RAD51B: variants seen among roughly 807,000 people sequenced by gnomAD.
RAD51B encodes RAD51 paralog B, also known as DNA repair protein RAD51 homolog 2.
A neutral mutation model predicts 42.2 loss-of-function variants in RAD51B; 38 were observed. The observed-to-expected ratio is 0.90, with a 90% CI of 0.70 to 1.18. The LOEUF is 1.18. Ranked by LOEUF, RAD51B falls within the 50% of genes most tolerant of loss-of-function variation. The pLI is 0.00. For synonymous variants in RAD51B, 154 were observed against 145.2 expected, an observed-to-expected ratio of 1.06 and a Z score of -0.43; for missense variants, 373 against 400.7, an observed-to-expected ratio of 0.93 and a Z score of 0.59.
intron 7 of RAD51B, among the ~76,000 whole-genome samples, chr14:68,125,752 TTGTTTTG>T (rs1316767879): frequency 2.1e-5 from 3 of 146,268 alleles, no homozygotes; most frequent in Admixed American, 6.6e-5. Context: ...TTGTTTTGTT[TTGTTTTG>T]TTTTTTCAAA....
chr14:68,257,932 T>C (rs1232368853), intron 7 of RAD51B, among the ~76,000 whole-genome samples: 1 of 152,194 alleles, frequency 6.6e-6, no homozygotes, highest in Non-Finnish European at 1.5e-5. Flanking sequence ...AGAAAGTAAG[T>C]CAAACTAGAG....
intron 1 of RAD51B, chr14:67,822,128 A>T (rs531121959): frequency 6.6e-6 from 1 of 152,176 alleles, no homozygotes; most frequent in Non-Finnish European, 1.5e-5. Flanking sequence ...TCATTCCAAA[A>T]TGTTACTTCT....
chr14:68,128,472 C>A (rs1259804295), intron 7 of RAD51B, among the ~76,000 whole-genome samples: 1 of 152,190 alleles, frequency 6.6e-6, no homozygotes, highest in Non-Finnish European at 1.5e-5. Flanking sequence ...GGATGGATCA[C>A]TTGAGGTCAG....
intron 9 of RAD51B, among the ~76,000 whole-genome samples, chr14:68,417,024 G>A (rs766849163): frequency 6.6e-6 from 1 of 152,082 alleles, no homozygotes; most frequent in Non-Finnish European, 1.5e-5. Flanking sequence ...GTAGATGTGG[G>A]GCAGCATGTC....
chr14:68,374,121 C>T (rs899325712), intron 8 of RAD51B, among the ~76,000 whole-genome samples: 4 of 152,208 alleles, frequency 2.6e-5, no homozygotes, highest in Non-Finnish European at 5.9e-5. Context: ...CAATATCACA[C>T]AACTCCCATA....
chr14:67,934,945 C>T (rs566550511), intron 7 of RAD51B, among the ~76,000 whole-genome samples: 4 of 152,324 alleles, frequency 2.6e-5, no homozygotes, highest in Non-Finnish European at 5.9e-5. Context: ...GCTTTCCTGA[C>T]AGCACCATAC....
At chr14:68,632,870 G>A (rs150440421) in intron 10 of RAD51B, among the ~76,000 whole-genome samples, 1,618 of 151,694 alleles carry the variant, frequency 0.011, 22 homozygotes, top group African/African-American at 0.036. Context: ...TGACCACCCA[G>A]GCTCAAGTGA....
intron 10 of RAD51B, among the ~76,000 whole-genome samples, chr14:68,504,461 A>T (rs1885140995): frequency 6.6e-6 from 1 of 152,094 alleles, no homozygotes; most frequent in Non-Finnish European, 1.5e-5. Flanking sequence ...GAGCTGGACC[A>T]CTCACTTTAG....
intron 8 of RAD51B, among the ~76,000 whole-genome samples, chr14:68,329,847 C>T (rs2082315113): frequency 6.6e-6 from 1 of 151,664 alleles, no homozygotes; most frequent in Admixed American, 6.6e-5. Flanking sequence ...CTGGGCATGG[C>T]GCTGCACACC....
chr14:67,827,103 A>T (rs1370731496), intron 3 of RAD51B, among the ~76,000 whole-genome samples: 5 of 152,226 alleles, frequency 3.3e-5, no homozygotes, highest in East Asian at 3.8e-4. Context: ...TAGCTTTATC[A>T]TTGATTTCAT....
chr14:68,539,066 T>C (rs1176330861), intron 10 of RAD51B, among the ~76,000 whole-genome samples: 5 of 152,254 alleles, frequency 3.3e-5, no homozygotes, highest in Non-Finnish European at 5.9e-5. Flanking sequence ...CATTTTAGTA[T>C]GGATAAATGC....
chr14:68,408,982 G>T (rs1160394915), intron 8 of RAD51B, among the ~76,000 whole-genome samples: 1 of 152,104 alleles, frequency 6.6e-6, no homozygotes, highest in Non-Finnish European at 1.5e-5. Flanking sequence ...AAAAAAATAG[G>T]TTAATGGTTG....
chr14:68,136,332 T>A (rs1253146269), intron 7 of RAD51B, among the ~76,000 whole-genome samples: 1 of 136,156 alleles, frequency 7.3e-6, no homozygotes, highest in African/African-American at 2.5e-5. Context: ...TCCCAGCACT[T>A]TGGGAGGCCA....
chr14:68,133,959 G>C (rs1043796716), intron 7 of RAD51B, among the ~76,000 whole-genome samples: 1 of 152,008 alleles, frequency 6.6e-6, no homozygotes, highest in Non-Finnish European at 1.5e-5. Flanking sequence ...AACCAATATG[G>C]GTACAACCCA....
intron 10 of RAD51B, among the ~76,000 whole-genome samples, chr14:68,488,943 C>T (rs1435995424): frequency 3.9e-5 from 6 of 151,994 alleles, no homozygotes; most frequent in Non-Finnish European, 8.8e-5. Flanking sequence ...AATTTTTTCA[C>T]TATTTTTATT....
intron 5 of RAD51B, among the ~76,000 whole-genome samples, chr14:67,871,468 C>G (rs903464786): frequency 6.6e-6 from 1 of 152,102 alleles, no homozygotes; most frequent in African/African-American, 2.4e-5. Flanking sequence ...CAAAAAGAGT[C>G]CAGGACTAAA....
At chr14:67,907,615 C>CA (rs1304783190) in intron 7 of RAD51B, among the ~76,000 whole-genome samples, 1 of 151,966 alleles carries the variant, frequency 6.6e-6, no homozygotes, top group African/African-American at 2.4e-5. Context: ...TTAATATTAT[C>CA]ACTGGGTTTT....
chr14:68,170,204 T>C (rs745787880), intron 7 of RAD51B, among the ~76,000 whole-genome samples: 2 of 152,198 alleles, frequency 1.3e-5, no homozygotes, highest in East Asian at 1.9e-4. Context: ...TAGGAAAATG[T>C]TGGTGGTTTT....
intron 7 of RAD51B, among the ~76,000 whole-genome samples, chr14:67,921,867 G>A (rs763100991): frequency 6.6e-5 from 10 of 152,032 alleles, no homozygotes; most frequent in Non-Finnish European, 1.5e-4. Flanking sequence ...AATTAGCGTG[G>A]CCCCTGTTTG....
Sources: gnomAD v4.1 joint callset for allele counts (sites outside exome capture counted in the v4.1 genomes callset) on GRCh38, gnomAD v4.1.1 for gene constraint, MANE v1.5 for transcripts, NCBI Gene and HGNC (gene_info 2026-07-23, HGNC 2026-07-21) for gene names.